Variants in GCNT4 observed in about 807,000 individuals in gnomAD.
GCNT4 encodes the protein glucosaminyl (N-acetyl) transferase 4.
Under a neutral mutation model 31.3 loss-of-function variants are expected in GCNT4, and 17 were observed. The observed-to-expected ratio is 0.54, with a 90% CI of 0.37 to 0.81. The LOEUF (loss-of-function observed/expected upper bound fraction) is 0.81. Ranked by LOEUF, GCNT4 falls within the 40% of genes least tolerant of loss-of-function variation. The pLI, the probability that GCNT4 is intolerant of heterozygous loss-of-function variation, is 0.00. For missense variants in GCNT4, 503 were observed against 525.5 expected (o/e 0.96, Z 0.42); for synonymous variants, 158 against 190.6 (o/e 0.83, Z 1.41).
downstream of GCNT4, among the ~76,000 whole-genome samples, chr5:75,022,317 T>C (rs1742889354): frequency 6.6e-6 from 1 of 152,216 alleles, no homozygotes; most frequent in Admixed American, 6.5e-5. Flanking sequence ...TAGCTACCTC[T>C]TCAACAATGT....
In GCNT4 at chr5:75,029,557, A is replaced by G; in HGVS notation, c.481T>C (p.Cys161Arg). 1.2e-6 allele frequency: 2 copies of G among 1,614,196 alleles called. No individual in the cohort carries two copies. The highest frequency in any genetic ancestry group is 1.3e-5 in the African/African-American group (1 of 75,070). Residue 161 changes from cysteine (C) to arginine (R), a missense_variant, in exon 4 of 4, where the codon TGC (cysteine) becomes CGC (arginine). By Grantham distance (180) the Cys-to-Arg change is radical. Coordinates refer to ENST00000652361, the MANE Select transcript of GCNT4 (RefSeq NM_001366737.1). ...GGTGCCTTACGATCATAATGGATGC[A>G]GTAAATATTGTGCTGGTTGTATATA... ...HAIYNQHNIY[C>R]IHYDRKAPDT... is the part of the protein sequence containing the mutation.
chr5:75,040,498 C>A (rs1743294995), intron 3 of GCNT4, among the ~76,000 whole-genome samples: 1 of 152,204 alleles, frequency 6.6e-6, no homozygotes, highest in Non-Finnish European at 1.5e-5. Context: ...CTAGTCTGGG[C>A]TCTGCCACAA....
At chr5:75,019,648 G>A in the GCNT4 span, among the ~76,000 whole-genome samples, 4 of 152,140 alleles carry the variant, frequency 2.6e-5, no homozygotes. Context: ...AAAAGCAAAT[G>A]CAGAAAACCT....
chr5:75,023,452 GCAT>G (rs1312280951), downstream of GCNT4, among the ~76,000 whole-genome samples: 5 of 152,056 alleles, frequency 3.3e-5, no homozygotes, highest in African/African-American at 1.2e-4. Flanking sequence ...TCATGGAAAT[GCAT>G]CATAAGGAAG....
intron 3 of GCNT4, among the ~76,000 whole-genome samples, chr5:75,037,292 C>T (rs1182267229): frequency 6.6e-6 from 1 of 152,150 alleles, no homozygotes; most frequent in Non-Finnish European, 1.5e-5. Context: ...CAGTCAGATG[C>T]AGTTCCTCCA....
At chr5:75,019,522 C>A in the GCNT4 span, among the ~76,000 whole-genome samples, 1 of 152,292 alleles carries the variant, frequency 6.6e-6, no homozygotes, top group South Asian at 2.1e-4. Flanking sequence ...GGGAGCCACA[C>A]AACTTAAAAT....
At chr5:75,024,891 C>T (rs562579240), downstream of GCNT4, among the ~76,000 whole-genome samples, 1 of 137,264 alleles carries the variant, frequency 7.3e-6, no homozygotes, top group Middle Eastern at 4.6e-3. Flanking sequence ...GCGGAGGTTG[C>T]AGTGAGCCGA....
At chr5:75,032,261 C>T (rs1743080186) in intron 3 of GCNT4, among the ~76,000 whole-genome samples, 1 of 152,194 alleles carries the variant, frequency 6.6e-6, no homozygotes, top group East Asian at 1.9e-4. Context: ...ACCTTCCACA[C>T]TGATGCCTTT....
chr5:75,029,889 A>T lies in GCNT4; in HGVS notation c.149T>A (p.Leu50Gln). 6.2e-7 allele frequency: 1 copy of T among 1,614,196 alleles called. No homozygotes were observed. Among genetic ancestry groups the T allele is most frequent in the Non-Finnish European group, 8.5e-7 (1 of 1,180,018 alleles). ...GTTTCTTACAAAAGGCGAGGTACTT[A>T]GGGAGTACTCAACCAAGTAAATGTC... The part of the protein sequence containing the change: ...QKDIYLVEYS[L>Q]STSPFVRNRY... The change falls in exon 4 of 4, where the codon CTA becomes CAA. Residue 50 changes from leucine to glutamine, a missense_variant. Transcript: ENST00000652361.
At chr5:75,034,994 C>T (rs1303991698) in intron 3 of GCNT4, among the ~76,000 whole-genome samples, 2 of 77,434 alleles carry the variant, frequency 2.6e-5, no homozygotes, top group African/African-American at 5.8e-5. Context: ...GACACGACCG[C>T]ATTCAGGGAC....
rs546391802 is a variant in GCNT4 at position 75,027,732 on chromosome 5, T to C, written c.*944A>G. ...GAAAGTTTAGTGACTCTTAGCTTGA[T>C]AGTTCCATACAACAGAATTATAATG... is the stretch of plus-strand genomic sequence containing the variant. On this transcript the variant is annotated 3_prime_UTR_variant, in exon 4 of 4. Transcript: ENST00000652361. 2 of 152,648 alleles carry C rather than the reference T, an allele frequency of 1.3e-5. No individual in the cohort carries two copies. The highest frequency in any genetic ancestry group is 2.9e-5 in the Non-Finnish European group (2 of 68,010). The allele number at this position is 152,648 out of a possible 1,614,324, so 9.5% of individuals were successfully genotyped here. A position where few individuals can be genotyped will look rare whatever the true frequency, so the allele number is the denominator to read the frequency against.
At chr5:75,031,260 C>T (rs1368079754) in intron 3 of GCNT4, among the ~76,000 whole-genome samples, 1 of 152,014 alleles carries the variant, frequency 6.6e-6, no homozygotes, top group East Asian at 1.9e-4. Flanking sequence ...TTAGTAGGGA[C>T]GGAGTCTCAC....
Position 75,027,395 on chromosome 5 carries a change from TATATA to T in GCNT4, c.*1276_*1280del, listed in dbSNP as rs1313727894. On this transcript the variant is annotated 3_prime_UTR_variant, in exon 4 of 4. Transcript: ENST00000652361. ...TTATATATGTAATGGAATTGTTCTA[TATATA>T]ATATATAACATAAATATATATTACA... 7.0e-6 allele frequency: 1 copy of T among 143,358 alleles called. No homozygotes were observed. The highest frequency in any genetic ancestry group is 1.5e-5 in the Non-Finnish European group (1 of 66,106). The allele number at this position is 143,358 out of a possible 1,614,324, so 8.9% of individuals were successfully genotyped here. A position where few individuals can be genotyped will look rare whatever the true frequency, so the allele number is the denominator to read the frequency against.
At chr5:75,045,303 G>A (rs1360732221) in intron 3 of GCNT4, among the ~76,000 whole-genome samples, 1 of 151,950 alleles carries the variant, frequency 6.6e-6, no homozygotes, top group Admixed American at 6.6e-5. Context: ...CCTGCTTCTG[G>A]GCCCTGCCAA....
intron 3 of GCNT4, among the ~76,000 whole-genome samples, chr5:75,047,463 G>A (rs1026637280): frequency 1.3e-5 from 2 of 152,320 alleles, no homozygotes; most frequent in African/African-American, 4.8e-5. Flanking sequence ...TTATTGAGAT[G>A]TTGAGGTTTG....
chr5:75,043,477 G>T (rs572418850), intron 3 of GCNT4, among the ~76,000 whole-genome samples: 15 of 152,294 alleles, frequency 9.8e-5, no homozygotes, highest in African/African-American at 3.4e-4. Flanking sequence ...AATATAATGT[G>T]GGATTTTGGG....
intron 3 of GCNT4, among the ~76,000 whole-genome samples, chr5:75,047,005 C>A (rs1439527937): frequency 6.6e-6 from 1 of 152,174 alleles, no homozygotes; most frequent in Non-Finnish European, 1.5e-5. Flanking sequence ...GTTACACAAC[C>A]CTTATCTTCC....
the GCNT4 span, among the ~76,000 whole-genome samples, chr5:75,017,170 T>A: frequency 2.0e-5 from 3 of 152,258 alleles, no homozygotes; most frequent in South Asian, 6.2e-4. Flanking sequence ...CTGAACTGCA[T>A]GCTTGCTCAG....
Position 75,046,468 on chromosome 5 carries a change from C to T in GCNT4, c.-2+1429G>A, listed in dbSNP as rs145038601. On this transcript the variant is annotated intron_variant, in intron 3 of 3. Transcript: ENST00000652361. ...CTGGTCCTGGGCCGAACTGTCCCCC[C>T]TCTGCTTCAATCTGAAGGAGCTGCT... Among the ~76,000 whole-genome samples, 219 of 152,326 alleles carry T rather than the reference C, an allele frequency of 1.4e-3. 1 individual carries two copies. Among genetic ancestry groups the T allele is most frequent in the African/African-American group, 4.9e-3 (204 of 41,572 alleles).
Sources: gnomAD v4.1 joint callset for allele counts (sites outside exome capture counted in the v4.1 genomes callset) on GRCh38, gnomAD v4.1.1 for gene constraint, MANE v1.5 for transcripts, NCBI Gene and HGNC (gene_info 2026-07-23, HGNC 2026-07-21) for gene names.